Variants in WDFY4 observed in about 807,000 individuals in gnomAD.
WDFY4 encodes WDFY family member 4, also known as WD repeat- and FYVE domain-containing protein 4.
In WDFY4, 169 loss-of-function variants were observed where a neutral mutation model predicts 351.9. That is an observed-to-expected ratio of 0.48 (90% CI 0.42 to 0.55). WDFY4 has a LOEUF of 0.55. Among genes scored for constraint, WDFY4 ranks in the 20% least tolerant of loss-of-function variants. The pLI, the probability that WDFY4 is intolerant of heterozygous loss-of-function variation, is 0.00. For missense variants in WDFY4, 3,803 were observed against 3,935.6 expected, an observed-to-expected ratio of 0.97 and a Z score of 0.90; for synonymous variants, 1,622 against 1,574.6, an observed-to-expected ratio of 1.03 and a Z score of -0.71.
chr10:48,939,149 C>A (rs1317024101), intron 47 of WDFY4, among the ~76,000 whole-genome samples: 1 of 152,220 alleles, frequency 6.6e-6, no homozygotes, highest in East Asian at 1.9e-4. Flanking sequence ...TAAGGTCACT[C>A]AGAGGGGGAC....
chr10:48,763,384 T>C (rs2065572265), intron 13 of WDFY4, among the ~76,000 whole-genome samples: 1 of 152,266 alleles, frequency 6.6e-6, no homozygotes. Flanking sequence ...ATGGCACACC[T>C]TTCCAGGTAC....
At chr10:48,890,792 C>A in intron 44 of WDFY4, 65 bp downstream of exon 44, 1 of 1,539,578 alleles carries the variant, frequency 6.5e-7, no homozygotes. Flanking sequence ...CAGCCGCCCC[C>A]ACTATTCCCC....
chr10:48,888,244 C>T lies in WDFY4; in HGVS notation c.7168-2335C>T, dbSNP rs551264045. ...TATCATTTATCCTCAATTCATCCTC[C>T]GTCTCCTCCCCTCCCCTCCCCTCCT... On this transcript the variant is annotated intron_variant, in intron 43 of 61. Coordinates refer to ENST00000325239, the MANE Select transcript of WDFY4 (RefSeq NM_001394531.1). Among the ~76,000 whole-genome samples the T allele has an allele frequency of 9.2e-5, 14 of 151,706 alleles. No individual in the cohort carries two copies. The East Asian group carries it at 1.4e-3, about 15-fold the overall frequency.
At chr10:48,763,761 G>A (rs1027875855) in intron 13 of WDFY4, among the ~76,000 whole-genome samples, 2 of 152,140 alleles carry the variant, frequency 1.3e-5, no homozygotes, top group South Asian at 2.1e-4. Context: ...ATTCTCCCTC[G>A]CTGTCTCTCA....
chr10:48,908,520 G>A (rs1837745322), intron 47 of WDFY4, among the ~76,000 whole-genome samples: 1 of 152,170 alleles, frequency 6.6e-6, no homozygotes, highest in Admixed American at 6.5e-5. Context: ...GTATATCTAG[G>A]CTGACTCGGT....
At chr10:48,713,944 G>A (rs1452788149) in intron 2 of WDFY4, among the ~76,000 whole-genome samples, 1 of 152,206 alleles carries the variant, frequency 6.6e-6, no homozygotes, top group Non-Finnish European at 1.5e-5. Flanking sequence ...TTAAACTCAG[G>A]CACCCTGATG....
chr10:48,964,164 C>A, intron 54 of WDFY4, 110 bp downstream of exon 54: 1 of 1,193,544 alleles, frequency 8.4e-7, no homozygotes, highest in Non-Finnish European at 1.2e-6. Flanking sequence ...GTGAAATGGT[C>A]CCCCATCATC....
intron 60 of WDFY4, among the ~76,000 whole-genome samples, chr10:48,980,391 C>A (rs184133068): frequency 2.0e-5 from 3 of 152,226 alleles, no homozygotes; most frequent in East Asian, 3.9e-4. Flanking sequence ...TATTACTATA[C>A]CCCTCAAATG....
chr10:48,871,230 T>C (rs12265786), intron 40 of WDFY4, among the ~76,000 whole-genome samples: 3,718 of 152,146 alleles, frequency 0.024, 157 homozygotes, highest in African/African-American at 0.084. Context: ...CCACTGTGCC[T>C]GGCCGGATAT....
chr10:48,905,039 GAC>G (rs1837548138), intron 47 of WDFY4, among the ~76,000 whole-genome samples: 1 of 152,184 alleles, frequency 6.6e-6, no homozygotes, highest in African/African-American at 2.4e-5. Flanking sequence ...CATCAATCAT[GAC>G]ACACATCACT....
At chr10:48,692,103 C>A (rs2063210502) in intron 1 of WDFY4, among the ~76,000 whole-genome samples, 1 of 152,230 alleles carries the variant, frequency 6.6e-6, no homozygotes, top group African/African-American at 2.4e-5. Context: ...ACCAAGCCTG[C>A]ATGTCCAATG....
intron 55 of WDFY4, chr10:48,967,866 T>A (rs913062255): frequency 1.6e-4 from 24 of 152,388 alleles, no homozygotes; most frequent in African/African-American, 5.5e-4. Context: ...ATCCTTGAAG[T>A]CCAAGAACAG....
chr10:48,981,622 G>C (rs1161399768), intron 61 of WDFY4, 144 bp downstream of exon 61: 14 of 709,822 alleles, frequency 2.0e-5, no homozygotes, highest in Non-Finnish European at 3.0e-5. Context: ...ACAGGAAGCA[G>C]CCCGTGTGGC....
rs1436501583 is a variant in WDFY4, at chr10:48,760,478, C to A, written c.2553+38C>A. 2.0e-6 allele frequency: 3 copies of A among 1,535,320 alleles called. No individual in the cohort carries two copies. In the South Asian group the frequency reaches 3.6e-5, roughly 18 times the overall value. On this transcript the variant is annotated intron_variant, in intron 13 of 61. Coordinates refer to ENST00000325239, the MANE Select transcript of WDFY4 (RefSeq NM_001394531.1). The stretch of plus-strand genomic sequence containing the variant: ...GAATATGTGTGTTTTGTCATCTTCA[C>A]ATGACTGATCTCTCAAATGCCTTCT...
At chr10:48,756,861 G>A (rs1300973257) in intron 12 of WDFY4, among the ~76,000 whole-genome samples, 3 of 151,912 alleles carry the variant, frequency 2.0e-5, no homozygotes, top group Non-Finnish European at 1.5e-5. Context: ...GAGGATTTTT[G>A]CACCTATGTT....
chr10:48,982,575 G>A lies in WDFY4; in HGVS notation c.9555G>A (p.Ter3185=). Residue 3185 remains the stop codon, a stop_retained_variant, in exon 62 of 62, where the codon TAG becomes TAA. Coordinates refer to ENST00000325239, the MANE Select transcript of WDFY4 (RefSeq NM_001394531.1). ...TATTCTGCTGGTCTGCAGATGGGTA[G>A]GAAGAGAGAGGCAGCAGAGGCTCTG... ...GRIFCWSADG[*] The A allele has an allele frequency of 3.9e-6, 6 of 1,549,478 alleles. No homozygotes were observed. The highest frequency in any genetic ancestry group is 5.2e-6 in the Non-Finnish European group (6 of 1,145,610).
At chr10:48,777,082 A>G (rs1242282913) in intron 16 of WDFY4, 98 bp downstream of exon 16, 8 of 1,357,106 alleles carry the variant, frequency 5.9e-6, no homozygotes, top group South Asian at 1.4e-5. Context: ...TTCCCATTGA[A>G]TCTCACCACT....
chr10:48,778,701 C>A lies in WDFY4; in HGVS notation c.3266C>A (p.Pro1089Gln). Residue 1089 changes from proline (P) to glutamine (Q), a missense_variant, in exon 18 of 62, where the codon CCG (proline) becomes CAG (glutamine). Coordinates refer to ENST00000325239, the MANE Select transcript of WDFY4 (RefSeq NM_001394531.1). Reference protein sequence around the residue: ...SRHGAATEGHPLRFLTLVRHL... With the variant: ...SRHGAATEGHQLRFLTLVRHL... ...CATGGAGCTGCCACTGAGGGCCACC[C>A]GCTGCGCTTCCTGACGTTGGTGCGC... 6.4e-7 allele frequency: 1 copy of A among 1,551,678 alleles called. No individual in the cohort carries two copies. The highest frequency in any genetic ancestry group is 1.2e-5 in the South Asian group (1 of 84,058).
chr10:48,785,181 G>A (rs937083245), intron 19 of WDFY4, among the ~76,000 whole-genome samples: 1 of 152,000 alleles, frequency 6.6e-6, no homozygotes, highest in Non-Finnish European at 1.5e-5. Flanking sequence ...AGTTTTAAGG[G>A]TTTTAGGGTT....
Sources: allele counts gnomAD v4.1 joint callset (sites outside exome capture counted in the v4.1 genomes callset), GRCh38; gene constraint gnomAD v4.1.1; transcripts MANE v1.5; gene names NCBI Gene and HGNC (gene_info 2026-07-23, HGNC 2026-07-21).